CACNA2D2: variants seen among roughly 807,000 people sequenced by gnomAD.
The protein encoded by CACNA2D2 is calcium voltage-gated channel auxiliary subunit alpha2delta 2, also known as voltage-dependent calcium channel subunit alpha-2/delta-2.
CACNA2D2 carries 48 observed loss-of-function variants against 166.4 expected under a neutral mutation model. The ratio of observed to expected loss-of-function variants is 0.29; its 90% confidence interval spans 0.23 to 0.37. The LOEUF is 0.37. CACNA2D2 is among the 10% of genes least tolerant of loss of function. The pLI, the probability that CACNA2D2 is intolerant of heterozygous loss-of-function variation, is 1.00. For synonymous variants in CACNA2D2, 561 were observed against 573.7 expected (o/e 0.98, Z 0.32); for missense variants, 1,122 against 1,433.0 (o/e 0.78, Z 3.50).
At chr3:50,396,076 G>T (rs963542279) in intron 3 of CACNA2D2, among the ~76,000 whole-genome samples, 1 of 152,018 alleles carries the variant, frequency 6.6e-6, no homozygotes, top group Non-Finnish European at 1.5e-5. Context: ...TAGGGTTTTG[G>T]GGGCCCCAGG....
intron 2 of CACNA2D2, among the ~76,000 whole-genome samples, chr3:50,455,894 C>A (rs1353784743): frequency 2.6e-5 from 4 of 152,100 alleles, no homozygotes; most frequent in Non-Finnish European, 5.9e-5. Context: ...CCCACATGCT[C>A]CCCCCATTCC....
chr3:50,366,730 C>A lies in CACNA2D2; in HGVS notation c.2589+101G>T. 4 of 1,557,120 alleles carry A rather than the reference C, an allele frequency of 2.6e-6. No individual in the cohort carries two copies. Among genetic ancestry groups the A allele is most frequent in the Non-Finnish European group, 3.5e-6 (4 of 1,132,798 alleles). ...AGGCCATCTGCAGCTGGCCCTGCCT[C>A]CATGTAGGTGTTGGAGCCACTGAGT... On this transcript the variant is annotated intron_variant, in intron 29 of 37. Coordinates refer to ENST00000424201, the MANE Select transcript of CACNA2D2 (RefSeq NM_006030.4). This position sits in a 1 kb window ranked among gnomAD's most constrained non-coding sequence, Gnocchi z 5.9.
chr3:50,368,934 C>G (rs771289198), intron 23 of CACNA2D2, among the ~76,000 whole-genome samples: 11 of 152,226 alleles, frequency 7.2e-5, no homozygotes, highest in Non-Finnish European at 1.5e-4. Flanking sequence ...AGGTGGAGCT[C>G]TCTCTCGCTC....
chr3:50,461,221 G>C (rs1709569961), intron 2 of CACNA2D2, among the ~76,000 whole-genome samples: 1 of 152,236 alleles, frequency 6.6e-6, no homozygotes. Flanking sequence ...ACCAGGTCAT[G>C]TACAATGGAT....
Position 50,362,961 on chromosome 3 carries a change from A to C in CACNA2D2, c.*1705T>G, listed in dbSNP as rs1259355759. The C allele has an allele frequency of 7.5e-6, 3 of 397,486 alleles. No individual in the cohort carries two copies. The highest frequency in any genetic ancestry group is 1.3e-5 in the Non-Finnish European group (3 of 225,836). 24.6% of individuals were successfully genotyped at this position (397,486 alleles called of 1,614,324 possible). A position where few individuals can be genotyped will look rare whatever the true frequency, so the allele number is the denominator to read the frequency against. ...TCTGTACAAAATAGAACAACAAAAA[A>C]AGGGCAGAGAAAAGGAAATGGCCCC... On this transcript the variant is annotated 3_prime_UTR_variant, in exon 38 of 38. Coordinates refer to ENST00000424201, the MANE Select transcript of CACNA2D2 (RefSeq NM_006030.4).
At chr3:50,381,845 T>A (rs1266188738) in intron 6 of CACNA2D2, among the ~76,000 whole-genome samples, 1 of 152,054 alleles carries the variant, frequency 6.6e-6, no homozygotes, top group Non-Finnish European at 1.5e-5. Flanking sequence ...CACACGTTCA[T>A]GCCTACACAC....
At chr3:50,488,824 C>T (rs1023451766) in intron 1 of CACNA2D2, among the ~76,000 whole-genome samples, 4 of 151,912 alleles carry the variant, frequency 2.6e-5, no homozygotes, top group African/African-American at 4.8e-5. Context: ...CTCAGCCTCC[C>T]GAGTACCTGG....
At chr3:50,374,690 G>C (rs1452906082) in intron 22 of CACNA2D2, 47 bp downstream of exon 22, 1 of 1,556,192 alleles carries the variant, frequency 6.4e-7, no homozygotes, top group African/African-American at 1.4e-5. Context: ...GCCAGGGTGC[G>C]GGGCAGAGGC....
At chr3:50,446,407 T>C (rs1708849389) in intron 2 of CACNA2D2, among the ~76,000 whole-genome samples, 1 of 152,232 alleles carries the variant, frequency 6.6e-6, no homozygotes, top group Non-Finnish European at 1.5e-5. Flanking sequence ...ATTCAATGAC[T>C]ACATGGACTT....
upstream of CACNA2D2, chr3:50,504,183 G>GCT (rs1292963545): frequency 6.6e-6 from 1 of 152,320 alleles, no homozygotes; most frequent in African/African-American, 2.4e-5. Context: ...CCTGGGCACG[G>GCT]CTGTACGGTT....
In CACNA2D2 at chr3:50,365,901, C is replaced by T. The variant is rs1371603918; in HGVS notation, c.2863-39G>A. The T allele has an allele frequency of 3.1e-6, 5 of 1,612,678 alleles. No individual in the cohort carries two copies. The highest frequency in any genetic ancestry group is 4.5e-5 in the East Asian group (2 of 44,874). On this transcript the variant is annotated intron_variant, in intron 32 of 37. Coordinates refer to ENST00000424201, the MANE Select transcript of CACNA2D2 (RefSeq NM_006030.4). This position sits in a 1 kb window ranked among gnomAD's most constrained non-coding sequence, Gnocchi z 4.5. ...AGGGGCGTGGACTGCCACTGCTGCC[C>T]CTCGCCCTAGGTCACCCCCAGCTTT...
intron 6 of CACNA2D2, among the ~76,000 whole-genome samples, chr3:50,381,981 T>TACAC (rs34662551): frequency 0.065 from 8,602 of 133,356 alleles, 661 homozygotes; most frequent in East Asian, 0.26. Context: ...GATCTATCCC[T>TACAC]ACACACACAC....
rs1575749567 is a variant in CACNA2D2 at position 50,476,124 on chromosome 3, G to A, written c.282C>T (p.Leu94=). The change falls in exon 2 of 38, where the codon CTC becomes CTT. Residue 94 remains leucine, a synonymous_variant. Transcript: ENST00000424201. The part of the protein sequence containing the change: ...VMRIFGGVQQ[L]REIYKDNRNL... ...CAAGTGGCACCGGGCTCACCTCACG[G>A]AGCTGCTGGACGCCTCCAAAAATCC... is the stretch of plus-strand genomic sequence containing the variant. 6.3e-7 allele frequency: 1 copy of A among 1,599,896 alleles called. No individual in the cohort carries two copies. The highest frequency in any genetic ancestry group is 1.1e-5 in the South Asian group (1 of 88,580).
At chr3:50,420,131 A>T (rs1707477489) in intron 3 of CACNA2D2, among the ~76,000 whole-genome samples, 1 of 152,246 alleles carries the variant, frequency 6.6e-6, no homozygotes, top group Non-Finnish European at 1.5e-5. Flanking sequence ...AGAAAGGAGA[A>T]GATTTTTAAT....
At chr3:50,468,573 T>A (rs778003960) in intron 2 of CACNA2D2, among the ~76,000 whole-genome samples, 2 of 152,124 alleles carry the variant, frequency 1.3e-5, no homozygotes, top group African/African-American at 4.8e-5. Flanking sequence ...AGAGCAGTGC[T>A]GTCTGCCTAG....
intron 4 of CACNA2D2, 32 bp downstream of exon 4, chr3:50,394,077 C>G (rs1706020426): frequency 1.2e-6 from 2 of 1,609,230 alleles, no homozygotes; most frequent in Middle Eastern, 1.7e-4. Context: ...TGGGCATGCC[C>G]TAAGTGCTGG....
intron 2 of CACNA2D2, among the ~76,000 whole-genome samples, chr3:50,460,755 G>A (rs1322612479): frequency 6.6e-6 from 1 of 152,046 alleles, no homozygotes; most frequent in Admixed American, 6.6e-5. Flanking sequence ...TCGGGGGGCT[G>A]AGGCAGGAGA....
chr3:50,375,814 C>T lies in CACNA2D2; in HGVS notation c.1840G>A (p.Asp614Asn). The T allele has an allele frequency of 6.2e-7, 1 of 1,613,038 alleles. No individual in the cohort carries two copies. The highest frequency in any genetic ancestry group is 8.5e-7 in the Non-Finnish European group (1 of 1,179,982). The change falls in exon 20 of 38, where the codon GAT becomes AAT. Residue 614 changes from aspartate to asparagine, a missense_variant. Physicochemically the swap from Asp to Asn is conservative, Grantham distance 23. This residue lies in a region of CACNA2D2 where 840 missense variants were observed against 1,166.8 expected (regional missense o/e 0.72). Coordinates refer to ENST00000424201, the MANE Select transcript of CACNA2D2 (RefSeq NM_006030.4). The surrounding 1 kb of genome is among the most constrained non-coding windows in gnomAD (Gnocchi z 4.0). Reference sequence around the variant, plus strand: ...CCCCAGCCCTGCCTCCTTACCTCATCCAGGGACTTGACCAACGTTCTGATC... The same window carrying T: ...CCCCAGCCCTGCCTCCTTACCTCATTCAGGGACTTGACCAACGTTCTGATC... ...KQIRTLVKSLDERYIDEVTRN... is the reference protein window; with the variant it reads ...KQIRTLVKSLNERYIDEVTRN...
At chr3:50,400,206 CA>C (rs1706377377) in intron 3 of CACNA2D2, among the ~76,000 whole-genome samples, 1 of 152,182 alleles carries the variant, frequency 6.6e-6, no homozygotes, top group African/African-American at 2.4e-5. Context: ...GCAGCTCTGC[CA>C]GGGGGGAGCT....
Sources: allele counts gnomAD v4.1 joint callset (sites outside exome capture counted in the v4.1 genomes callset), GRCh38; gene constraint gnomAD v4.1.1; regional missense constraint gnomAD v4.1.1; non-coding constraint Gnocchi (gnomAD v3.1); transcripts MANE v1.5; gene names NCBI Gene and HGNC (gene_info 2026-07-23, HGNC 2026-07-21).